Variants in DIAPH2 observed in about 807,000 individuals in gnomAD.
DIAPH2 encodes the protein diaphanous related formin 2.
A neutral mutation model predicts 92.7 loss-of-function variants in DIAPH2; 35 were observed. That is an observed-to-expected ratio of 0.38 (90% CI 0.29 to 0.50). The LOEUF (loss-of-function observed/expected upper bound fraction) is 0.50, where lower values mean the gene tolerates loss of function less well. DIAPH2 is among the 20% of genes least tolerant of loss of function. DIAPH2 has a pLI of 0.94. For synonymous variants in DIAPH2, 301 were observed against 280.4 expected (o/e 1.07, Z -0.73); for missense variants, 701 against 819.5 (o/e 0.86, Z 1.77).
At chrX:97,002,287 A>AATATAT (rs760584026) in intron 17 of DIAPH2, among the ~76,000 whole-genome samples, 1 of 108,798 alleles carries the variant, frequency 9.2e-6, no homozygotes, top group Admixed American at 9.9e-5. Context: ...ATTTGTAATG[A>AATATAT]ATATATATAT....
intron 25 of DIAPH2, among the ~76,000 whole-genome samples, chrX:97,405,877 A>ACT (rs1405067031): frequency 9.0e-6 from 1 of 111,366 alleles, no homozygotes; most frequent in Non-Finnish European, 1.9e-5. Context: ...TGTGGATGAA[A>ACT]CTCAGATTCT....
rs369300856 is a variant in DIAPH2, at chrX:97,345,168, C to T, written c.2845-2948C>T. ...GTTTTTATATGAAGCATTACGTGTA[C>T]CCTTCCATTGCTAAAAAGGAAAGTA... On this transcript the variant is annotated intron_variant, in intron 23 of 26. Transcript: ENST00000324765. Among the ~76,000 whole-genome samples the T allele has an allele frequency of 2.3e-4, 26 of 111,692 alleles. No individual in the cohort carries two copies. In the East Asian group the frequency reaches 7.3e-3, roughly 31 times the overall value.
At chrX:97,015,051 A>G (rs1194064312) in intron 17 of DIAPH2, among the ~76,000 whole-genome samples, 1 of 111,925 alleles carries the variant, frequency 8.9e-6, no homozygotes, top group Non-Finnish European at 1.9e-5. Flanking sequence ...AGTTGCTTTT[A>G]TTTTAAAAAT....
intron 4 of DIAPH2, among the ~76,000 whole-genome samples, chrX:96,861,869 C>T (rs2065074356): frequency 1.8e-5 from 2 of 112,005 alleles, no homozygotes. Flanking sequence ...CTTCCATTTC[C>T]ATGACTCTGT....
At chrX:97,500,541 C>T (rs1420093476) in intron 26 of DIAPH2, among the ~76,000 whole-genome samples, 1 of 109,566 alleles carries the variant, frequency 9.1e-6, no homozygotes, top group Non-Finnish European at 1.9e-5. Flanking sequence ...TTATTGTACA[C>T]CTGTAGGGCC....
rs960133289 is a variant in DIAPH2 at position 97,473,631 on chromosome X, A to G, written c.3241+43886A>G. Reference sequence around the variant, plus strand: ...ATTATAGGTGTGAGCCACCACGCCCAGCAAGAATATTTCTTATGATTTTAA... The same window carrying G: ...ATTATAGGTGTGAGCCACCACGCCCGGCAAGAATATTTCTTATGATTTTAA... On this transcript the variant is annotated intron_variant, in intron 26 of 26. Transcript: ENST00000324765. Among the ~76,000 whole-genome samples, 10 of 111,987 alleles carry G rather than the reference A, an allele frequency of 8.9e-5. 1 individual carries two copies. The highest frequency in any genetic ancestry group is 4.7e-4 in the Admixed American group (5 of 10,594).
intron 21 of DIAPH2, among the ~76,000 whole-genome samples, chrX:97,127,649 T>G (rs925124937): frequency 8.9e-6 from 1 of 112,692 alleles, no homozygotes; most frequent in Admixed American, 9.4e-5. Context: ...AAGAGAGACT[T>G]GAACCTAACC....
intron 4 of DIAPH2, among the ~76,000 whole-genome samples, chrX:96,864,293 T>TC: frequency 1.3e-5 from 1 of 78,882 alleles, no homozygotes; most frequent in East Asian, 5.8e-4. Context: ...TTGAGGCACT[T>TC]TTTTTTTTTT....
At chrX:96,727,424 C>T (rs2064026619) in intron 1 of DIAPH2, among the ~76,000 whole-genome samples, 1 of 111,759 alleles carries the variant, frequency 8.9e-6, no homozygotes, top group African/African-American at 3.3e-5. Flanking sequence ...CTAATCCACC[C>T]TACATATTCA....
intron 17 of DIAPH2, among the ~76,000 whole-genome samples, chrX:96,995,284 A>G (rs5921100): frequency 0.04 from 4,405 of 109,625 alleles, 101 homozygotes; most frequent in Middle Eastern, 0.09. Flanking sequence ...GCCAGATTGG[A>G]ATTCTTTGGA....
chrX:97,094,045 G>C (rs891509102), intron 19 of DIAPH2, among the ~76,000 whole-genome samples: 1 of 111,852 alleles, frequency 8.9e-6, no homozygotes, highest in Non-Finnish European at 1.9e-5. Context: ...AAGGATGCCA[G>C]TTCTGTTGGC....
At chrX:97,446,834 G>C (rs189420801) in intron 26 of DIAPH2, among the ~76,000 whole-genome samples, 329 of 105,541 alleles carry the variant, frequency 3.1e-3, no homozygotes, top group African/African-American at 0.011. Flanking sequence ...TCCTAATTGG[G>C]TGGGTTATAA....
chrX:96,790,313 C>T (rs890711238), intron 4 of DIAPH2, among the ~76,000 whole-genome samples: 36 of 110,739 alleles, frequency 3.3e-4, no homozygotes, highest in African/African-American at 1.1e-3. Context: ...TCAGGTGATC[C>T]GCCTGCCTCG....
chrX:96,883,880 T>G (rs777153093), intron 5 of DIAPH2: 1 of 122,767 alleles, frequency 8.1e-6, no homozygotes, highest in African/African-American at 3.2e-5. Context: ...ATTGTAGAAG[T>G]TGCAGCATTA....
At chrX:97,298,781 A>T (rs1348910570) in intron 23 of DIAPH2, among the ~76,000 whole-genome samples, 2 of 108,169 alleles carry the variant, frequency 1.8e-5, no homozygotes, top group Non-Finnish European at 3.8e-5. Flanking sequence ...CGCCCAGCTA[A>T]TTTTTTTTTG....
At chrX:97,470,688 G>A (rs2070554784) in intron 26 of DIAPH2, among the ~76,000 whole-genome samples, 1 of 102,244 alleles carries the variant, frequency 9.8e-6, no homozygotes, top group South Asian at 4.8e-4. Flanking sequence ...TCAATACTGT[G>A]TTAAGAAAAA....
intron 4 of DIAPH2, among the ~76,000 whole-genome samples, chrX:96,766,213 G>GTATA (rs200183908): frequency 4.7e-4 from 49 of 104,002 alleles, no homozygotes; most frequent in African/African-American, 1.6e-3. Flanking sequence ...TATATGTAGT[G>GTATA]TATATATATA....
chrX:97,228,488 G>A (rs774353121), intron 22 of DIAPH2, among the ~76,000 whole-genome samples: 3 of 111,585 alleles, frequency 2.7e-5, no homozygotes, highest in African/African-American at 9.8e-5. Context: ...TTGCAACTTC[G>A]CTTGTTGCTC....
At chrX:97,552,012 A>G (rs1057108834) in intron 26 of DIAPH2, among the ~76,000 whole-genome samples, 1 of 111,906 alleles carries the variant, frequency 8.9e-6, no homozygotes, top group Admixed American at 9.5e-5. Context: ...GACTTAGATC[A>G]GAAGACTCAT....
Sources: allele counts gnomAD v4.1 joint callset (sites outside exome capture counted in the v4.1 genomes callset), GRCh38; gene constraint gnomAD v4.1.1; transcripts MANE v1.5; gene names NCBI Gene and HGNC (gene_info 2026-07-23, HGNC 2026-07-21).